Variants in C8orf33 observed in about 807,000 individuals in gnomAD.
The protein encoded by C8orf33 is chromosome 8 open reading frame 33.
In C8orf33, 28 loss-of-function variants were observed where a neutral mutation model predicts 25.7. The observed-to-expected ratio is 1.09, with a 90% confidence interval of 0.81 to 1.49. The LOEUF (loss-of-function observed/expected upper bound fraction) is 1.49, where lower values mean the gene tolerates loss of function less well. Among genes scored for constraint, C8orf33 ranks in the 40% most tolerant of loss-of-function variants. C8orf33 has a pLI of 0.00. For synonymous variants in C8orf33, 153 were observed against 115.9 expected (o/e 1.32, Z -2.06); for missense variants, 369 against 294.4 (o/e 1.25, Z -1.85).
At position 145,053,121 on chromosome 8, in the gene C8orf33, G is replaced by C; in HGVS notation, c.378G>C (p.Lys126Asn). The change falls in exon 3 of 5, where the codon AAG becomes AAC. Residue 126 changes from lysine to asparagine, a missense_variant. Lys to Asn is a moderately conservative substitution (Grantham distance 94). Transcript: ENST00000331434. The part of the protein sequence containing the change: ...WCVEQLELGL[K>N]RQKPTPKQKE... ...TGGAGCAACTGGAGCTGGGCCTCAA[G>C]AGGCAGAAACCCACCCCGAAACAGA... The C allele has an allele frequency of 6.2e-7, 1 of 1,614,194 alleles. No individual in the cohort carries two copies. The highest frequency in any genetic ancestry group is 1.1e-5 in the South Asian group (1 of 91,088).
At chr8:145,053,607 C>A in intron 4 of C8orf33, 164 bp downstream of exon 4, 1 of 705,258 alleles carries the variant, frequency 1.4e-6, no homozygotes, top group Non-Finnish European at 2.3e-6. Context: ...CCTCTCTTTC[C>A]TCTTCCTAGG....
chr8:145,052,823 T>A lies in C8orf33; in HGVS notation c.244T>A (p.Ser82Thr). 2 of 1,613,988 alleles carry A rather than the reference T, an allele frequency of 1.2e-6. No individual in the cohort carries two copies. Among genetic ancestry groups the A allele is most frequent in the Non-Finnish European group, 1.7e-6 (2 of 1,180,024 alleles). ...KNKKKTRNRA[S>T]VANGGEKASE... ...TAAGAAGAAAACGCGGAACAGGGCC[T>A]CTGTGGCAAATGGAGGCGAGAAGGC... The change falls in exon 2 of 5, where the codon TCT (serine) becomes ACT (threonine). Residue 82 changes from serine to threonine, a missense_variant. Ser to Thr is a moderately conservative substitution (Grantham distance 58). Transcript: ENST00000331434.
In C8orf33 at chr8:145,053,042, C is replaced by T; in HGVS notation, c.319-20C>T. The stretch of plus-strand genomic sequence containing the variant: ...GTTTTCCAGTGCCCTCTCACAGCCA[C>T]TTCCCCAAATCCATCACAGGCACAA... On this transcript the variant is annotated intron_variant, in intron 2 of 4. Transcript: ENST00000331434. The T allele has an allele frequency of 1.2e-6, 2 of 1,614,138 alleles. No individual in the cohort carries two copies. Among genetic ancestry groups the T allele is most frequent in the South Asian group, 1.1e-5 (1 of 91,080 alleles).
Position 145,053,393 on chromosome 8 carries a change from G to A in C8orf33, c.500G>A (p.Arg167Lys). ...QLMHSLFGDY[R>K]AQMEAEWREA... The stretch of plus-strand genomic sequence containing the variant: ...ATGCACTCCTTGTTTGGAGACTATA[G>A]GGCTCAGATGGAAGCCGAATGGCGT... Residue 167 changes from arginine (R) to lysine (K), a missense_variant, in exon 4 of 5, where the codon AGG (arginine) becomes AAG (lysine). Transcript: ENST00000331434. 6.2e-7 allele frequency: 1 copy of A among 1,614,220 alleles called. No individual in the cohort carries two copies. Among genetic ancestry groups the A allele is most frequent in the South Asian group, 1.1e-5 (1 of 91,086 alleles).
rs1197806540 is a variant in C8orf33, at chr8:145,052,681, C to A, written c.102C>A (p.Ser34Arg). Reference protein sequence around the residue: ...RGARLPGPVSSARNPSTVCLC... With the variant: ...RGARLPGPVSRARNPSTVCLC... ...CCCGGCTTCCCGGCCCAGTTTCCAG[C>A]GCCCGGAATCCTTCCACTGTCTGTC... The change falls in exon 2 of 5, where the codon AGC (serine) becomes AGA (arginine). Residue 34 changes from serine to arginine, a missense_variant. Ser to Arg is a moderately radical substitution (Grantham distance 110). Transcript: ENST00000331434. The A allele has an allele frequency of 1.2e-6, 2 of 1,613,884 alleles. No individual in the cohort carries two copies. The highest frequency in any genetic ancestry group is 1.6e-4 in the Middle Eastern group (1 of 6,062).
At position 145,052,888 on chromosome 8, in the gene C8orf33, T is replaced by C. The variant is rs771593095; in HGVS notation, c.309T>C (p.Ala103=). 44 of 1,611,926 alleles carry C rather than the reference T, an allele frequency of 2.7e-5. No individual in the cohort carries two copies. Among genetic ancestry groups the C allele is most frequent in the Non-Finnish European group, 3.7e-5 (44 of 1,179,184 alleles). The change falls in exon 2 of 5, where the codon GCT becomes GCC. Residue 103 remains alanine (A), a synonymous_variant. Transcript: ENST00000331434. ...KLAPEEVPLS[A]EAQAQQLAQE... Reference sequence around the variant, plus strand: ...CCCCAGAAGAAGTTCCCCTAAGCGCTGAGGCCCAGGCAAGGGCGGGCTTCG... The same window carrying C: ...CCCCAGAAGAAGTTCCCCTAAGCGCCGAGGCCCAGGCAAGGGCGGGCTTCG...
rs1835342030 is a variant in C8orf33, at chr8:145,055,260, A to G, written c.*1103A>G. The stretch of plus-strand genomic sequence containing the variant: ...ACATGATTATATGTGAGTATCATTA[A>G]TCATTAGTTTATAGCAATTACTCTT... On this transcript the variant is annotated 3_prime_UTR_variant, in exon 5 of 5. Coordinates refer to ENST00000331434, the MANE Select transcript of C8orf33 (RefSeq NM_023080.3). The G allele has an allele frequency of 6.6e-6, 1 of 152,208 alleles. No individual in the cohort carries two copies. Among genetic ancestry groups the G allele is most frequent in the Admixed American group, 6.5e-5 (1 of 15,286 alleles). 9.4% of individuals were successfully genotyped at this position (152,208 alleles called of 1,614,324 possible).
chr8:145,053,915 A>T, intron 4 of C8orf33, 103 bp from the exon 5 acceptor site: 1 of 1,357,876 alleles, frequency 7.4e-7, no homozygotes, highest in Non-Finnish European at 1.0e-6. Flanking sequence ...TTAATCAGTT[A>T]ATTTATGCAA....
rs1184580679 is a variant in C8orf33, at chr8:145,054,674, G to A, written c.*517G>A. 6.5e-6 allele frequency: 1 copy of A among 153,400 alleles called. No individual in the cohort carries two copies. Among genetic ancestry groups the A allele is most frequent in the African/African-American group, 2.4e-5 (1 of 41,426 alleles). The allele number at this position is 153,400 out of a possible 1,614,324, so 9.5% of individuals were successfully genotyped here. ...GAGGAAGTACAGAAGATGCAGGGGTGTGGTATCCCTGGGTCCAGTCCCTCA... is the reference window on the plus strand; with the variant it reads ...GAGGAAGTACAGAAGATGCAGGGGTATGGTATCCCTGGGTCCAGTCCCTCA... On this transcript the variant is annotated 3_prime_UTR_variant, in exon 5 of 5. Transcript: ENST00000331434.
In C8orf33 at chr8:145,052,475, G is replaced by T. The variant is rs761674574; in HGVS notation, c.-17G>T. On this transcript the variant is annotated 5_prime_UTR_variant, in exon 1 of 5. Transcript: ENST00000331434. ...CGGACTCTGCGCCCCGCGTAGTTCC[G>T]GTGGCGACTGCGGCGCATGGCGGTG... 1 of 1,597,726 alleles carries T rather than the reference G, an allele frequency of 6.3e-7. No individual in the cohort carries two copies. The highest frequency in any genetic ancestry group is 1.3e-5 in the African/African-American group (1 of 74,820).
chr8:145,052,935 G>A (rs1334155896), intron 2 of C8orf33, 38 bp downstream of exon 2: 3 of 1,527,826 alleles, frequency 2.0e-6, no homozygotes, highest in Admixed American at 1.8e-5. Context: ...TGGAATCCAC[G>A]GGTGCGAATC....
Position 145,052,596 on chromosome 8 carries a change from A to T in C8orf33, c.17A>T (p.His6Leu), listed in dbSNP as rs763039582. The T allele has an allele frequency of 6.2e-7, 1 of 1,606,466 alleles. No homozygotes were observed. The highest frequency in any genetic ancestry group is 8.5e-7 in the Non-Finnish European group (1 of 1,179,562). ...CCCCCCTTTCTCCAGGCCCTGGGAC[A>T]TCTTGCTGGGGAGGCAGCGGCGGCC... MAALG[H>L]LAGEAAAAPG... Residue 6 changes from histidine (H) to leucine (L), a missense_variant, in exon 2 of 5, where the codon CAT (histidine) becomes CTT (leucine). Physicochemically the swap from His to Leu is moderately conservative, Grantham distance 99. Coordinates refer to ENST00000331434, the MANE Select transcript of C8orf33 (RefSeq NM_023080.3).
In C8orf33 at chr8:145,052,690, T is replaced by C. The variant is rs1473561916; in HGVS notation, c.111T>C (p.Asn37=). ...CCGGCCCAGTTTCCAGCGCCCGGAA[T>C]CCTTCCACTGTCTGTCTCTGCCCAG... ...RLPGPVSSAR[N]PSTVCLCPEQ... Residue 37 remains asparagine, a synonymous_variant, in exon 2 of 5, where the codon AAT becomes AAC. Coordinates refer to ENST00000331434, the MANE Select transcript of C8orf33 (RefSeq NM_023080.3). 1 of 1,614,006 alleles carries C rather than the reference T, an allele frequency of 6.2e-7. No individual in the cohort carries two copies. Among genetic ancestry groups the C allele is most frequent in the Non-Finnish European group, 8.5e-7 (1 of 1,180,018 alleles).
rs2129699751 is a variant in C8orf33, at chr8:145,054,916, A to C, written c.*759A>C. ...CTGTTCCATGGAATTGGGAATCTCCAGGTGACCTAATCCTCATTGGTGGCT... is the reference window on the plus strand; with the variant it reads ...CTGTTCCATGGAATTGGGAATCTCCCGGTGACCTAATCCTCATTGGTGGCT... On this transcript the variant is annotated 3_prime_UTR_variant, in exon 5 of 5. Transcript: ENST00000331434. 1 of 152,314 alleles carries C rather than the reference A, an allele frequency of 6.6e-6. No homozygotes were observed. The highest frequency in any genetic ancestry group is 2.1e-4 in the South Asian group (1 of 4,832). The allele number at this position is 152,314 out of a possible 1,614,324, so 9.4% of individuals were successfully genotyped here.
At position 145,054,035 on chromosome 8, in the gene C8orf33, G is replaced by A; in HGVS notation, c.568G>A (p.Val190Met). The A allele has an allele frequency of 2.5e-6, 4 of 1,614,070 alleles. No individual in the cohort carries two copies. The highest frequency in any genetic ancestry group is 2.2e-5 in the East Asian group (1 of 44,884). The change falls in exon 5 of 5, where the codon GTG (valine) becomes ATG (methionine). Residue 190 changes from valine to methionine, a missense_variant. Transcript: ENST00000331434. ...CCCGACAGCTGCTTATTCAGCCCAG[G>A]TGCAACCTGTAGATGGAGCCACCAG... ...ALRAAAYSAQ[V>M]QPVDGATRKK... is the part of the protein sequence containing the mutation.
Position 145,056,018 on chromosome 8 carries a change from GTCTTT to G in C8orf33, c.*1868_*1872del, listed in dbSNP as rs1386133743. 22 of 201,898 alleles carry G rather than the reference GTCTTT, an allele frequency of 1.1e-4. No homozygotes were observed. Among genetic ancestry groups the G allele is most frequent in the Non-Finnish European group, 1.6e-4 (16 of 102,930 alleles). The allele number at this position is 201,898 out of a possible 1,614,324, so 12.5% of individuals were successfully genotyped here. On this transcript the variant is annotated 3_prime_UTR_variant, in exon 5 of 5. Transcript: ENST00000331434. Reference sequence around the variant, plus strand: ...TGGTAGTGGTCCCCCAGGCCCAGGTGTCTTTTCTTTTATCTCTTTGTCTTGTGTCT... The same window carrying G: ...TGGTAGTGGTCCCCCAGGCCCAGGTGTCTTTTATCTCTTTGTCTTGTGTCT...
At chr8:145,053,480 A>G in intron 4 of C8orf33, 37 bp downstream of exon 4, 3 of 1,608,728 alleles carry the variant, frequency 1.9e-6, no homozygotes, top group East Asian at 2.2e-5. Flanking sequence ...AGGAAGGCCT[A>G]ACTTAAGGAG....
At position 145,052,602 on chromosome 8, in the gene C8orf33, C is replaced by A. The variant is rs767930297; in HGVS notation, c.23C>A (p.Ala8Asp). The change falls in exon 2 of 5, where the codon GCT becomes GAT. Residue 8 changes from alanine (A) to aspartate (D), a missense_variant. By Grantham distance (126) the Ala-to-Asp change is moderately radical (BLOSUM62 -2). Coordinates refer to ENST00000331434, the MANE Select transcript of C8orf33 (RefSeq NM_023080.3). ...TTTCTCCAGGCCCTGGGACATCTTG[C>A]TGGGGAGGCAGCGGCGGCCCCAGGC... Reference protein sequence around the residue: MAALGHLAGEAAAAPGPG... With the variant: MAALGHLDGEAAAAPGPG... 1.1e-5 allele frequency: 18 copies of A among 1,607,440 alleles called. No individual in the cohort carries two copies. Among genetic ancestry groups the A allele is most frequent in the Non-Finnish European group, 1.5e-5 (18 of 1,179,616 alleles).
rs767499143 is a variant in C8orf33, at chr8:145,052,476, G to C, written c.-16G>C. The C allele has an allele frequency of 6.3e-7, 1 of 1,598,028 alleles. No homozygotes were observed. Among genetic ancestry groups the C allele is most frequent in the Non-Finnish European group, 8.5e-7 (1 of 1,179,168 alleles). On this transcript the variant is annotated 5_prime_UTR_variant, in exon 1 of 5. Transcript: ENST00000331434. ...GGACTCTGCGCCCCGCGTAGTTCCG[G>C]TGGCGACTGCGGCGCATGGCGGTGA...
Sources: gnomAD v4.1 joint callset for allele counts on GRCh38, gnomAD v4.1.1 for gene constraint, MANE v1.5 for transcripts, NCBI Gene and HGNC (gene_info 2026-07-23, HGNC 2026-07-21) for gene names.